IP6K1: variants seen among roughly 807,000 people sequenced by gnomAD.
The protein encoded by IP6K1 is inositol hexakisphosphate kinase 1.
IP6K1 carries 13 observed loss-of-function variants against 38.3 expected under a neutral mutation model. The ratio of observed to expected loss-of-function variants is 0.34; its 90% CI spans 0.22 to 0.54. The LOEUF (loss-of-function observed/expected upper bound fraction) is 0.54, where lower values mean the gene tolerates loss of function less well. Ranked by LOEUF, IP6K1 falls within the 20% of genes least tolerant of loss-of-function variation. IP6K1 has a pLI of 0.92. For missense variants in IP6K1, 397 were observed against 599.8 expected, an observed-to-expected ratio of 0.66 and a Z score of 3.53; for synonymous variants, 212 against 229.9, an observed-to-expected ratio of 0.92 and a Z score of 0.70.
chr3:49,738,562 A>T, intron 2 of IP6K1, 140 bp from the exon 3 acceptor site: 1 of 664,828 alleles, frequency 1.5e-6, no homozygotes, highest in East Asian at 2.7e-5. Flanking sequence ...TCAGAACAAC[A>T]GCCAGCAGAC....
chr3:49,735,046 G>A (rs2080595954), intron 3 of IP6K1, among the ~76,000 whole-genome samples: 1 of 152,062 alleles, frequency 6.6e-6, no homozygotes, highest in African/African-American at 2.4e-5. Context: ...CTGTACCTTT[G>A]GAGGACAATA....
intron 1 of IP6K1, among the ~76,000 whole-genome samples, chr3:49,762,944 G>C (rs997496342): frequency 1.3e-5 from 2 of 151,898 alleles, no homozygotes; most frequent in African/African-American, 4.8e-5. Flanking sequence ...GCTAATTTGT[G>C]TATTTTTAGT....
At position 49,728,371 on chromosome 3, in the gene IP6K1, C is replaced by A; in HGVS notation, c.617-93G>T. On this transcript the variant is annotated intron_variant, in intron 4 of 5. Coordinates refer to ENST00000321599, the MANE Select transcript of IP6K1 (RefSeq NM_153273.4). ...GTTTTTCTATAAAAGGGGGCTTTTA[C>A]CTAATGCAGTATGTACTTGTCTCAA... The A allele has an allele frequency of 2.5e-6, 3 of 1,200,004 alleles. No homozygotes were observed. In the South Asian group the frequency reaches 4.1e-5, roughly 16 times the overall value. 74.3% of individuals were successfully genotyped at this position (1,200,004 alleles called of 1,614,324 possible).
chr3:49,742,905 A>C (rs1391503604), intron 2 of IP6K1, among the ~76,000 whole-genome samples: 1 of 151,814 alleles, frequency 6.6e-6, no homozygotes, highest in Non-Finnish European at 1.5e-5. Context: ...TAGTATATAA[A>C]TAAATAAATT....
chr3:49,751,579 G>A (rs2080778008), intron 1 of IP6K1, among the ~76,000 whole-genome samples: 2 of 152,100 alleles, frequency 1.3e-5, no homozygotes, highest in Admixed American at 6.6e-5. Context: ...CCTGCATAAC[G>A]TCTTTCTCTG....
In IP6K1 at chr3:49,748,172, C is replaced by T. The variant is rs2080739738; in HGVS notation, c.-128-4G>A. The stretch of plus-strand genomic sequence containing the variant: ...CTATTCAGCTTATTATTCTGTCCTA[C>T]AGAAAAGAAGAGAGGAAGAAGGAAT... On this transcript the variant is annotated splice_polypyrimidine_tract_variant and splice_region_variant and intron_variant, in intron 1 of 5. Transcript: ENST00000321599. 1 of 913,042 alleles carries T rather than the reference C, an allele frequency of 1.1e-6. No individual in the cohort carries two copies. The highest frequency in any genetic ancestry group is 2.3e-5 in the Admixed American group (1 of 43,234). The allele number at this position is 913,042 out of a possible 1,614,324, so 56.6% of individuals were successfully genotyped here.
intron 1 of IP6K1, among the ~76,000 whole-genome samples, chr3:49,777,444 T>G (rs2081026509): frequency 6.6e-6 from 1 of 151,494 alleles, no homozygotes; most frequent in East Asian, 1.9e-4. Flanking sequence ...ATGCCTGTAC[T>G]CCCAGCTACT....
chr3:49,773,550 G>A (rs2080978146), intron 1 of IP6K1, among the ~76,000 whole-genome samples: 1 of 152,188 alleles, frequency 6.6e-6, no homozygotes, highest in Non-Finnish European at 1.5e-5. Flanking sequence ...GGCGGAGCCT[G>A]CAGTGAGCCA....
chr3:49,772,936 AC>A (rs1559714969), intron 1 of IP6K1, among the ~76,000 whole-genome samples: 1 of 151,058 alleles, frequency 6.6e-6, no homozygotes, highest in African/African-American at 2.4e-5. Flanking sequence ...TGATCCTCCT[AC>A]CTCAGCCTCC....
chr3:49,748,288 C>T (rs2080741151), intron 1 of IP6K1, 120 bp from the exon 2 acceptor site: 2 of 529,186 alleles, frequency 3.8e-6, no homozygotes, highest in East Asian at 3.3e-5. Context: ...ATCCCTAGCA[C>T]GTACAATACT....
rs2080494016 is a variant in IP6K1 at position 49,725,723 on chromosome 3, G to C, written c.*1399C>G. 6.6e-6 allele frequency: 1 copy of C among 152,656 alleles called. No homozygotes were observed. Among genetic ancestry groups the C allele is most frequent in the Non-Finnish European group, 1.5e-5 (1 of 68,070 alleles). The allele number at this position is 152,656 out of a possible 1,614,324, so 9.5% of individuals were successfully genotyped here. A position where few individuals can be genotyped will look rare whatever the true frequency, so the allele number is the denominator to read the frequency against. ...CAGCAGATCTGTGCCATTAAGGGCT[G>C]GCAGCCAAAATGACTAAAACCATGA... is the stretch of plus-strand genomic sequence containing the variant. On this transcript the variant is annotated 3_prime_UTR_variant, in exon 6 of 6. Coordinates refer to ENST00000321599, the MANE Select transcript of IP6K1 (RefSeq NM_153273.4).
intron 1 of IP6K1, among the ~76,000 whole-genome samples, chr3:49,773,497 G>A (rs1199104562): frequency 1.3e-5 from 2 of 152,276 alleles, no homozygotes; most frequent in East Asian, 3.9e-4. Context: ...TGTAGTCCCA[G>A]CTACTTAGGA....
intron 2 of IP6K1, among the ~76,000 whole-genome samples, chr3:49,745,289 G>A (rs2080710476): frequency 1.3e-5 from 2 of 152,216 alleles, no homozygotes; most frequent in Non-Finnish European, 2.9e-5. Flanking sequence ...TAAACTAAAG[G>A]TTGGAGGAGC....
chr3:49,774,407 C>CAA (rs777187857), intron 1 of IP6K1, among the ~76,000 whole-genome samples: 3,614 of 42,844 alleles, frequency 0.084, 384 homozygotes, highest in African/African-American at 0.2. Flanking sequence ...GACTCCATCT[C>CAA]AAAAAAAAAA....
chr3:49,737,267 C>T (rs1430637791), intron 3 of IP6K1, among the ~76,000 whole-genome samples: 1 of 152,108 alleles, frequency 6.6e-6, no homozygotes. Context: ...CACCACTTTA[C>T]CTTCCTACCA....
intron 3 of IP6K1, among the ~76,000 whole-genome samples, chr3:49,733,825 A>G (rs1453185438): frequency 6.6e-6 from 1 of 152,210 alleles, no homozygotes; most frequent in Non-Finnish European, 1.5e-5. Context: ...AAGGAAGGAA[A>G]TTTTATTTCT....
At chr3:49,758,112 ATCC>A (rs2080840015) in intron 1 of IP6K1, among the ~76,000 whole-genome samples, 1 of 152,022 alleles carries the variant, frequency 6.6e-6, no homozygotes, top group Non-Finnish European at 1.5e-5. Flanking sequence ...GATCAAGACC[ATCC>A]TGGCTAATAC....
chr3:49,750,726 C>T (rs918893247), intron 1 of IP6K1, among the ~76,000 whole-genome samples: 2 of 151,984 alleles, frequency 1.3e-5, no homozygotes, highest in African/African-American at 4.8e-5. Context: ...ATTGAAATAG[C>T]CCTTCCCCTG....
In IP6K1 at chr3:49,748,175, A is replaced by C; in HGVS notation, c.-128-7T>G. ...TTCAGCTTATTATTCTGTCCTACAGAAAAGAAGAGAGGAAGAAGGAATCAA... is the reference window on the plus strand; with the variant it reads ...TTCAGCTTATTATTCTGTCCTACAGCAAAGAAGAGAGGAAGAAGGAATCAA... On this transcript the variant is annotated splice_polypyrimidine_tract_variant and splice_region_variant and intron_variant, in intron 1 of 5. Transcript: ENST00000321599. The C allele has an allele frequency of 2.3e-6, 2 of 877,108 alleles. No individual in the cohort carries two copies. Among genetic ancestry groups the C allele is most frequent in the South Asian group, 3.3e-5 (2 of 60,666 alleles). 54.3% of individuals were successfully genotyped at this position (877,108 alleles called of 1,614,324 possible).
Sources: gnomAD v4.1 joint callset for allele counts (sites outside exome capture counted in the v4.1 genomes callset) on GRCh38, gnomAD v4.1.1 for gene constraint, MANE v1.5 for transcripts, NCBI Gene and HGNC (gene_info 2026-07-23, HGNC 2026-07-21) for gene names.